The following PMS1 variants were observed in gnomAD, a reference collection of about 807,000 sequenced individuals.
The protein encoded by PMS1 is PMS1 homolog 1, mismatch repair system component.
PMS1 carries 79 observed loss-of-function variants against 93.1 expected under a neutral mutation model. That is an observed-to-expected ratio of 0.85 (90% CI 0.71 to 1.02). The LOEUF (loss-of-function observed/expected upper bound fraction) is 1.02. Among genes scored for constraint, PMS1 ranks in the 50% least tolerant of loss-of-function variants. The pLI, the probability that PMS1 is intolerant of heterozygous loss-of-function variation, is 0.00. For missense variants in PMS1, 1,064 were observed against 1,085.3 expected (o/e 0.98, Z 0.28); for synonymous variants, 335 against 363.4 (o/e 0.92, Z 0.89).
rs1373241137 is a variant in PMS1, at chr2:189,873,618, T to G, written c.2596T>G (p.Tyr866Asp). 2.1e-5 allele frequency: 34 copies of G among 1,607,352 alleles called. No homozygotes were observed. The East Asian group carries it at 7.4e-4, about 35-fold the overall frequency. The change falls in exon 12 of 13, where the codon TAT becomes GAT. Residue 866 changes from tyrosine (Y) to aspartate (D), a missense_variant. By Grantham distance (160) the Tyr-to-Asp change is radical. Coordinates refer to ENST00000441310, the MANE Select transcript of PMS1 (RefSeq NM_000534.5). Reference sequence around the variant, plus strand: ...ATTAAACAGAAATGCAAAGGAAGTTTATGAATGTAGACCTCGCAAAGTGAT... The same window carrying G: ...ATTAAACAGAAATGCAAAGGAAGTTGATGAATGTAGACCTCGCAAAGTGAT... Reference protein sequence around the residue: ...AILNRNAKEVYECRPRKVISY... With the variant: ...AILNRNAKEVDECRPRKVISY...
In PMS1 at chr2:189,795,760, A is replaced by G; in HGVS notation, c.133-9A>G. The G allele has an allele frequency of 1.2e-6, 2 of 1,609,680 alleles. No homozygotes were observed. The highest frequency in any genetic ancestry group is 1.7e-6 in the Non-Finnish European group (2 of 1,176,018). ...TTACATATTAAAAGTGTTTTTTGAC[A>G]TTTTATAGGAGAACTATGGATTTGA... is the stretch of plus-strand genomic sequence containing the variant. On this transcript the variant is annotated splice_polypyrimidine_tract_variant and intron_variant, in intron 2 of 12. Coordinates refer to ENST00000441310, the MANE Select transcript of PMS1 (RefSeq NM_000534.5).
intron 4 of PMS1, chr2:189,806,787 T>A (rs1335992578): frequency 4.9e-6 from 1 of 202,332 alleles, no homozygotes; most frequent in East Asian, 7.6e-5. Context: ...CCTTTAATCT[T>A]TTTTTAATAA....
intron 1 of PMS1, among the ~76,000 whole-genome samples, chr2:189,787,320 T>C (rs1003925156): frequency 3.3e-5 from 5 of 152,200 alleles, no homozygotes; most frequent in African/African-American, 1.2e-4. Flanking sequence ...TAGTGGTCCT[T>C]CATTAATATT....
intron 5 of PMS1, among the ~76,000 whole-genome samples, chr2:189,826,734 G>T (rs1454884199): frequency 6.6e-6 from 1 of 152,064 alleles, no homozygotes; most frequent in Admixed American, 6.6e-5. Context: ...GCAGTGATTT[G>T]CATTCTTTCT....
chr2:189,875,911 C>T (rs763853750), intron 12 of PMS1, among the ~76,000 whole-genome samples: 12 of 137,778 alleles, frequency 8.7e-5, no homozygotes, highest in African/African-American at 2.3e-4. Flanking sequence ...GAGCTGAGGA[C>T]GCACACTGCA....
Position 189,823,214 on chromosome 2 carries a change from TTTG to T in PMS1, c.582+5037_582+5039del, listed in dbSNP as rs1371389540. On this transcript the variant is annotated intron_variant, in intron 5 of 12. Transcript: ENST00000441310. Reference sequence around the variant, plus strand: ...GAAAAAACTCACAGATTTGGGTTTTTTTGTTTTGTTTTTTTGTTTTGTTTTGCT... The same window carrying T: ...GAAAAAACTCACAGATTTGGGTTTTTTTTTGTTTTTTTGTTTTGTTTTGCT... Among the ~76,000 whole-genome samples the T allele has an allele frequency of 9.2e-5, 14 of 152,194 alleles. No individual in the cohort carries two copies. The South Asian group carries it at 1.9e-3, about 20-fold the overall frequency.
chr2:189,875,226 A>G (rs910271634), intron 12 of PMS1, among the ~76,000 whole-genome samples: 2 of 150,098 alleles, frequency 1.3e-5, no homozygotes, highest in Admixed American at 1.3e-4. Flanking sequence ...AGATATGGCT[A>G]CTAGATGACA....
At chr2:189,843,842 T>G in intron 5 of PMS1, 122 bp from the exon 6 acceptor site, 1 of 825,058 alleles carries the variant, frequency 1.2e-6, no homozygotes, top group South Asian at 1.4e-5. Flanking sequence ...ATGAATCTCT[T>G]CTAAGTGATA....
intron 6 of PMS1, among the ~76,000 whole-genome samples, chr2:189,849,997 C>A (rs2054571640): frequency 6.6e-6 from 1 of 150,738 alleles, no homozygotes; most frequent in African/African-American, 2.5e-5. Flanking sequence ...ATTTAATTTC[C>A]AGCTGACACA....
At chr2:189,843,583 A>G (rs935760993) in intron 5 of PMS1, among the ~76,000 whole-genome samples, 7 of 152,236 alleles carry the variant, frequency 4.6e-5, no homozygotes, top group Non-Finnish European at 1.0e-4. Context: ...TTTTAAATAT[A>G]CACGGAAGTC....
intron 1 of PMS1, among the ~76,000 whole-genome samples, chr2:189,786,672 G>A (rs2048374607): frequency 6.6e-6 from 1 of 152,156 alleles, no homozygotes. Flanking sequence ...AATACGTAGA[G>A]TTGTTGTGAG....
intron 6 of PMS1, among the ~76,000 whole-genome samples, chr2:189,851,683 A>G (rs935310481): frequency 5.3e-5 from 8 of 152,148 alleles, no homozygotes; most frequent in Admixed American, 5.2e-4. Context: ...TAGTACCCCC[A>G]GTGACTTGCT....
At position 189,877,373 on chromosome 2, in the gene PMS1, TAA is replaced by T. The variant is rs1559343799; in HGVS notation, c.2738_2739del (p.Lys913ArgfsTer25). Reference sequence around the variant, plus strand: ...TGAAGCACCAGTTTGGAAATGAAATTAAAGAGTGTGTTCATGGTCGCCCATTT... The same window carrying T: ...TGAAGCACCAGTTTGGAAATGAAATTAGAGTGTGTTCATGGTCGCCCATTT... ...RMKHQFGNEI[K>X]ECVHGRPFFH... On this transcript the variant is annotated frameshift_variant, in exon 13 of 13. Coordinates refer to ENST00000441310, the MANE Select transcript of PMS1 (RefSeq NM_000534.5). LOFTEE classifies it high-confidence loss of function. The T allele has an allele frequency of 6.2e-7, 1 of 1,613,320 alleles. No homozygotes were observed. Among genetic ancestry groups the T allele is most frequent in the Non-Finnish European group, 8.5e-7 (1 of 1,179,278 alleles).
At chr2:189,814,308 C>A (rs2051083839) in intron 4 of PMS1, among the ~76,000 whole-genome samples, 2 of 146,692 alleles carry the variant, frequency 1.4e-5, no homozygotes, top group Non-Finnish European at 3.0e-5. Flanking sequence ...TAGAGGAAGA[C>A]CCCCCCCCAA....
intron 4 of PMS1, among the ~76,000 whole-genome samples, chr2:189,816,638 T>C (rs770402779): frequency 1.7e-4 from 26 of 152,308 alleles, no homozygotes; most frequent in African/African-American, 5.5e-4. Flanking sequence ...TTTCTCCTTT[T>C]GGAACTTTAA....
intron 4 of PMS1, among the ~76,000 whole-genome samples, chr2:189,817,775 GAAGT>G (rs2051455149): frequency 6.6e-6 from 1 of 152,152 alleles, no homozygotes; most frequent in Non-Finnish European, 1.5e-5. Flanking sequence ...CGCAGTGATA[GAAGT>G]AAGATTATAC....
chr2:189,865,895 T>C (rs2056616426), intron 10 of PMS1, among the ~76,000 whole-genome samples: 1 of 152,098 alleles, frequency 6.6e-6, no homozygotes, highest in South Asian at 2.1e-4. Context: ...AAAGCAGAAA[T>C]CATTTATAAA....
In PMS1 at chr2:189,854,453, T is replaced by C. The variant is rs1145231; in HGVS notation, c.1181T>C (p.Met394Thr). The change falls in exon 9 of 13, where the codon ATG becomes ACG. Residue 394 changes from methionine to threonine, a missense_variant. Met to Thr is a moderately conservative substitution (Grantham distance 81). Coordinates refer to ENST00000441310, the MANE Select transcript of PMS1 (RefSeq NM_000534.5). ...TCAGTCATTCCATTCCAAAATGATA[T>C]GCATAATGATGAATCTGGAAAAAAC... ...DTSVIPFQND[M>T]HNDESGKNTD... The C allele has an allele frequency of 2.7e-3, 4,380 of 1,611,940 alleles. 70 individuals carry two copies. The African/African-American group carries it at 0.045, about 16-fold the overall frequency.
At chr2:189,852,815 A>C (rs367952807) in intron 7 of PMS1, 38 bp downstream of exon 7, 138 of 1,363,806 alleles carry the variant, frequency 1.0e-4, no homozygotes, top group Middle Eastern at 6.0e-4. Context: ...TTTGAATTGG[A>C]AATTTGTCAC....
Sources: gnomAD v4.1 joint callset for allele counts (sites outside exome capture counted in the v4.1 genomes callset) on GRCh38, gnomAD v4.1.1 for gene constraint, MANE v1.5 for transcripts, NCBI Gene and HGNC (gene_info 2026-07-23, HGNC 2026-07-21) for gene names.